Variants in VPS13B observed in about 807,000 individuals in gnomAD.
VPS13B encodes the protein vacuolar protein sorting 13 homolog B.
In VPS13B, 285 loss-of-function variants were observed where a neutral mutation model predicts 426.4. The observed-to-expected ratio is 0.67, with a 90% CI of 0.61 to 0.74. The LOEUF is 0.74. Among genes scored for constraint, VPS13B ranks in the 30% least tolerant of loss-of-function variants. VPS13B has a pLI of 0.00. For missense variants in VPS13B, 4,537 were observed against 4,782.6 expected, an observed-to-expected ratio of 0.95 and a Z score of 1.51; for synonymous variants, 1,676 against 1,676.4, an observed-to-expected ratio of 1.00 and a Z score of 0.01.
At chr8:99,283,309 A>G (rs1819264456) in intron 19 of VPS13B, among the ~76,000 whole-genome samples, 1 of 152,160 alleles carries the variant, frequency 6.6e-6, no homozygotes, top group South Asian at 2.1e-4. Flanking sequence ...ATACCCATCT[A>G]TCTTATTACA....
intron 31 of VPS13B, among the ~76,000 whole-genome samples, chr8:99,570,305 C>T (rs1825408428): frequency 6.6e-6 from 1 of 151,956 alleles, no homozygotes. Flanking sequence ...TTTCTGTTCT[C>T]TCATTTTGGA....
intron 35 of VPS13B, among the ~76,000 whole-genome samples, chr8:99,679,368 A>G (rs546637522): frequency 1.3e-5 from 2 of 152,332 alleles, no homozygotes; most frequent in Admixed American, 6.5e-5. Context: ...ACTAAGAGGG[A>G]GGGAAACTTA....
At chr8:99,859,545 TGTGCTAAAG>T in intron 57 of VPS13B, 65 bp downstream of exon 57, 1 of 1,582,254 alleles carries the variant, frequency 6.3e-7, no homozygotes, top group Non-Finnish European at 8.6e-7. Flanking sequence ...TTTTAAAGAA[TGTGCTAAAG>T]TTTTAAATGC....
intron 39 of VPS13B, among the ~76,000 whole-genome samples, chr8:99,723,290 A>C (rs150015037): frequency 6.6e-6 from 1 of 152,234 alleles, no homozygotes; most frequent in South Asian, 2.1e-4. Context: ...CAAATGTTAT[A>C]TAAGTATGAC....
At chr8:99,101,170 C>T (rs529759026) in intron 4 of VPS13B, among the ~76,000 whole-genome samples, 6 of 152,206 alleles carry the variant, frequency 3.9e-5, no homozygotes, top group East Asian at 1.9e-4. Flanking sequence ...CTTGCTCTGT[C>T]GCCCAGGCTG....
intron 35 of VPS13B, chr8:99,697,972 G>T (rs1037513675): frequency 4.9e-6 from 2 of 410,958 alleles, no homozygotes; most frequent in Admixed American, 3.2e-5. Context: ...AAGAAGAGAA[G>T]ATGGAGGAGA....
intron 39 of VPS13B, among the ~76,000 whole-genome samples, chr8:99,744,396 G>A (rs903726883): frequency 5.9e-5 from 9 of 152,172 alleles, no homozygotes; most frequent in African/African-American, 2.2e-4. Context: ...TTCAACCATT[G>A]TGGAAGTCAA....
chr8:99,365,408 A>G (rs1310027454), intron 19 of VPS13B, among the ~76,000 whole-genome samples: 2 of 151,436 alleles, frequency 1.3e-5, no homozygotes, highest in Non-Finnish European at 2.9e-5. Flanking sequence ...GTTTATAGCT[A>G]TAAACTTAGT....
chr8:99,099,969 T>G (rs1846638771), intron 4 of VPS13B, among the ~76,000 whole-genome samples: 1 of 152,168 alleles, frequency 6.6e-6, no homozygotes, highest in Non-Finnish European at 1.5e-5. Context: ...TATTTTCAGA[T>G]GCGTGTGGAG....
At chr8:99,080,644 C>CT (rs1222814928) in intron 3 of VPS13B, among the ~76,000 whole-genome samples, 1 of 152,152 alleles carries the variant, frequency 6.6e-6, no homozygotes, top group African/African-American at 2.4e-5. Context: ...AATTTCCCCA[C>CT]TTACTTTATA....
At chr8:99,377,046 A>C (rs1172766910) in intron 19 of VPS13B, among the ~76,000 whole-genome samples, 1 of 151,986 alleles carries the variant, frequency 6.6e-6, no homozygotes, top group African/African-American at 2.4e-5. Flanking sequence ...GTTGGTCATA[A>C]ATTTATTTGC....
chr8:99,768,773 C>G lies in VPS13B; in HGVS notation c.7247+1803C>G, dbSNP rs957674857. On this transcript the variant is annotated intron_variant, in intron 40 of 61. Transcript: ENST00000357162. ...TTAATTTTACCTGCATATAGTTCAG[C>G]AATAAAAAGAACACCCATCCTGTGA... is the stretch of plus-strand genomic sequence containing the variant. Among the ~76,000 whole-genome samples, 4 of 152,112 alleles carry G rather than the reference C, an allele frequency of 2.6e-5. No homozygotes were observed. The East Asian group carries it at 5.8e-4, about 22-fold the overall frequency.
At chr8:99,329,677 C>G (rs1352750981) in intron 19 of VPS13B, among the ~76,000 whole-genome samples, 1 of 152,068 alleles carries the variant, frequency 6.6e-6, no homozygotes, top group African/African-American at 2.4e-5. Flanking sequence ...ACTAAGCATT[C>G]TCAGTGAACT....
chr8:99,376,265 A>G (rs1813479737), intron 19 of VPS13B, among the ~76,000 whole-genome samples: 1 of 152,218 alleles, frequency 6.6e-6, no homozygotes. Context: ...CCAGATATTT[A>G]TATGTTAGAA....
intron 24 of VPS13B, among the ~76,000 whole-genome samples, chr8:99,472,733 T>G (rs1819479059): frequency 6.6e-6 from 1 of 151,770 alleles, no homozygotes; most frequent in Non-Finnish European, 1.5e-5. Flanking sequence ...AGATAGAAAA[T>G]TAATAAACTG....
At chr8:99,459,450 C>T (rs1818714618) in intron 23 of VPS13B, among the ~76,000 whole-genome samples, 1 of 152,050 alleles carries the variant, frequency 6.6e-6, no homozygotes, top group Non-Finnish European at 1.5e-5. Flanking sequence ...ATGCAATTTC[C>T]TTGTTGTGCA....
intron 21 of VPS13B, among the ~76,000 whole-genome samples, chr8:99,393,982 A>C (rs1332720346): frequency 2.0e-5 from 3 of 152,118 alleles, no homozygotes; most frequent in Non-Finnish European, 4.4e-5. Context: ...TTTATATTGC[A>C]TCATAAATTA....
chr8:99,153,199 A>T (rs1811167916), intron 14 of VPS13B, among the ~76,000 whole-genome samples: 1 of 152,156 alleles, frequency 6.6e-6, no homozygotes, highest in Non-Finnish European at 1.5e-5. Context: ...AATTTTTTTA[A>T]AAAGTAGGTT....
At chr8:99,026,738 A>AT (rs1259841477) in intron 2 of VPS13B, among the ~76,000 whole-genome samples, 2 of 151,818 alleles carry the variant, frequency 1.3e-5, no homozygotes, top group Non-Finnish European at 2.9e-5. Flanking sequence ...CTTAAAGTGT[A>AT]TTTTTTCTGA....
Sources: allele counts gnomAD v4.1 joint callset (sites outside exome capture counted in the v4.1 genomes callset), GRCh38; gene constraint gnomAD v4.1.1; transcripts MANE v1.5; gene names NCBI Gene and HGNC (gene_info 2026-07-23, HGNC 2026-07-21).